KLHL2: variants seen among roughly 807,000 people sequenced by gnomAD.
KLHL2 encodes kelch-like protein 2.
In KLHL2, 15 loss-of-function variants were observed where a neutral mutation model predicts 75.8. The ratio of observed to expected loss-of-function variants is 0.20; its 90% CI spans 0.13 to 0.30. The LOEUF (loss-of-function observed/expected upper bound fraction) is 0.30, where lower values mean the gene tolerates loss of function less well. Ranked by LOEUF, KLHL2 falls within the 10% of genes least tolerant of loss-of-function variation. The pLI is 1.00. For missense variants in KLHL2, 381 were observed against 741.0 expected (o/e 0.51, Z 5.64); for synonymous variants, 214 against 251.9 (o/e 0.85, Z 1.42).
chr4:165,312,774 G>C (rs952732200), intron 11 of KLHL2, among the ~76,000 whole-genome samples: 1 of 152,138 alleles, frequency 6.6e-6, no homozygotes, highest in Non-Finnish European at 1.5e-5. Flanking sequence ...TTAGGGTGAT[G>C]TTTTCAAGAT....
At chr4:165,304,575 GCTGTTATTTTCA>G in intron 8 of KLHL2, among the ~76,000 whole-genome samples, 1 of 152,136 alleles carries the variant, frequency 6.6e-6, no homozygotes, top group South Asian at 2.1e-4. Flanking sequence ...TGATTTGATG[GCTGTTATTTTCA>G]CTGTTGCCAG....
chr4:165,238,665 A>C, intron 3 of KLHL2, 113 bp from the exon 4 acceptor site: 7 of 1,550,398 alleles, frequency 4.5e-6, no homozygotes, highest in Non-Finnish European at 6.1e-6. Context: ...GTGGCTGATT[A>C]TGCTGCCTGT....
chr4:165,210,324 G>T, intron 1 of KLHL2: 1 of 846,902 alleles, frequency 1.2e-6, no homozygotes, highest in Non-Finnish European at 1.9e-6. Flanking sequence ...TTCTCCACTG[G>T]CCTGTTGGCA....
intron 1 of KLHL2, among the ~76,000 whole-genome samples, chr4:165,218,026 T>A (rs899709241): frequency 6.6e-6 from 1 of 152,154 alleles, no homozygotes. Context: ...TTTCAACAGA[T>A]CTCGTTGGCT....
rs1371424543 is a variant in KLHL2, at chr4:165,319,599, G to C, written c.1753+1630G>C. Among the ~76,000 whole-genome samples the C allele has an allele frequency of 6.6e-6, 1 of 152,072 alleles. No individual in the cohort carries two copies. Among genetic ancestry groups the C allele is most frequent in the Non-Finnish European group, 1.5e-5 (1 of 67,988 alleles). Reference sequence around the variant, plus strand: ...GTGAAATCCCTTTTTATCTTGTGTTGAACATGCAGCTTTTATGTGGGTGCA... The same window carrying C: ...GTGAAATCCCTTTTTATCTTGTGTTCAACATGCAGCTTTTATGTGGGTGCA... On this transcript the variant is annotated intron_variant, in intron 14 of 14. Coordinates refer to ENST00000226725, the MANE Select transcript of KLHL2 (RefSeq NM_007246.4). This position sits in a 1 kb window ranked among gnomAD's most constrained non-coding sequence, Gnocchi z 4.5.
chr4:165,234,774 T>A (rs1018938689), intron 3 of KLHL2, among the ~76,000 whole-genome samples: 3 of 150,984 alleles, frequency 2.0e-5, no homozygotes, highest in Admixed American at 6.6e-5. Context: ...GAGATGGAAA[T>A]GTTTTTAGCC....
intron 4 of KLHL2, among the ~76,000 whole-genome samples, chr4:165,244,968 G>A (rs2111133751): frequency 6.6e-6 from 1 of 152,178 alleles, no homozygotes; most frequent in African/African-American, 2.4e-5. Context: ...CTTTGGGAGG[G>A]ATGCCAAGGG....
intron 9 of KLHL2, among the ~76,000 whole-genome samples, chr4:165,308,491 C>A (rs1745899746): frequency 6.6e-6 from 1 of 152,130 alleles, no homozygotes; most frequent in African/African-American, 2.4e-5. Flanking sequence ...AATTAAACTT[C>A]TGGGCACTTC....
rs140313568 is a variant in KLHL2 at position 165,210,216 on chromosome 4, A to G, written c.26+2314A>G. 6 of 1,534,412 alleles carry G rather than the reference A, an allele frequency of 3.9e-6. No individual in the cohort carries two copies. The African/African-American group carries it at 5.5e-5, about 14-fold the overall frequency. ...GTTTATTAATTCATTCAATGTGCAA[A>G]TATTTGAATGCCTGTCTCTGCCTGG... On this transcript the variant is annotated intron_variant, in intron 1 of 14. Coordinates refer to ENST00000226725, the MANE Select transcript of KLHL2 (RefSeq NM_007246.4).
At chr4:165,231,331 C>T (rs559572725) in intron 3 of KLHL2, among the ~76,000 whole-genome samples, 5 of 152,132 alleles carry the variant, frequency 3.3e-5, no homozygotes, top group African/African-American at 4.8e-5. Context: ...AGTCTATAGT[C>T]CCAGCTACTC....
chr4:165,222,180 GGACA>G (rs1274626782), intron 2 of KLHL2, among the ~76,000 whole-genome samples: 4 of 152,068 alleles, frequency 2.6e-5, no homozygotes, highest in African/African-American at 9.7e-5. Flanking sequence ...CTGAGTTTTG[GGACA>G]GACTCTGGTC....
In KLHL2 at chr4:165,322,352, T is replaced by G. The variant is rs1747047023; in HGVS notation, c.*292T>G. 3.2e-6 allele frequency: 1 copy of G among 309,078 alleles called. No homozygotes were observed. Among genetic ancestry groups the G allele is most frequent in the Non-Finnish European group, 5.9e-6 (1 of 168,394 alleles). The allele number at this position is 309,078 out of a possible 1,614,324, so 19.1% of individuals were successfully genotyped here. ...CAGTTGCTTTCATAAAGACTAGTTC[T>G]TATCAACCTTGAATGACTACAGATT... is the stretch of plus-strand genomic sequence containing the variant. On this transcript the variant is annotated 3_prime_UTR_variant, in exon 15 of 15. Transcript: ENST00000226725.
intron 5 of KLHL2, among the ~76,000 whole-genome samples, chr4:165,266,071 G>A (rs568304284): frequency 6.6e-6 from 1 of 152,324 alleles, no homozygotes; most frequent in Admixed American, 6.5e-5. Context: ...CTGATGACCA[G>A]TGATCATGAG....
chr4:165,242,199 A>G (rs1739870204), intron 4 of KLHL2, among the ~76,000 whole-genome samples: 1 of 152,176 alleles, frequency 6.6e-6, no homozygotes, highest in Non-Finnish European at 1.5e-5. Flanking sequence ...CTGTTGAGTG[A>G]ATTAAAATTT....
At chr4:165,261,012 T>C (rs537941232) in intron 4 of KLHL2, among the ~76,000 whole-genome samples, 1 of 152,358 alleles carries the variant, frequency 6.6e-6, no homozygotes, top group South Asian at 2.1e-4. Flanking sequence ...TTAAGTATTA[T>C]ACTGTTTTCT....
intron 5 of KLHL2, among the ~76,000 whole-genome samples, chr4:165,271,617 C>G (rs1334466101): frequency 2.1e-5 from 3 of 144,844 alleles, no homozygotes; most frequent in Non-Finnish European, 4.7e-5. Flanking sequence ...TTGACTTTCT[C>G]TTTTCCAATT....
chr4:165,244,163 A>G (rs1001957012), intron 4 of KLHL2, among the ~76,000 whole-genome samples: 1 of 152,210 alleles, frequency 6.6e-6, no homozygotes, highest in African/African-American at 2.4e-5. Context: ...AATTGGATTG[A>G]AAACATTTAT....
intron 5 of KLHL2, among the ~76,000 whole-genome samples, chr4:165,264,723 TA>T (rs1226858177): frequency 1.4e-5 from 1 of 70,526 alleles, no homozygotes; most frequent in Non-Finnish European, 2.7e-5. Flanking sequence ...TATATATACA[TA>T]TATATATATA....
chr4:165,318,016 AT>A, intron 14 of KLHL2, 47 bp downstream of exon 14: 1 of 1,566,280 alleles, frequency 6.4e-7, no homozygotes, highest in African/African-American at 1.4e-5. Context: ...AGATGACCTC[AT>A]TATGAATGTT....
Sources: gnomAD v4.1 joint callset for allele counts (sites outside exome capture counted in the v4.1 genomes callset) on GRCh38, gnomAD v4.1.1 for gene constraint, Gnocchi (gnomAD v3.1) non-coding constraint, MANE v1.5 for transcripts, NCBI Gene and HGNC (gene_info 2026-07-23, HGNC 2026-07-21) for gene names.